Variants in MSRB3 observed in about 807,000 individuals in gnomAD.
The protein encoded by MSRB3 is methionine sulfoxide reductase B3, also known as methionine-R-sulfoxide reductase B3.
A neutral mutation model predicts 21.0 loss-of-function variants in MSRB3; 13 were observed. That is an observed-to-expected ratio of 0.62 (90% CI 0.40 to 0.98). MSRB3 has a LOEUF of 0.98. Among genes scored for constraint, MSRB3 ranks in the 50% least tolerant of loss-of-function variants. MSRB3 has a pLI of 0.00. For synonymous variants in MSRB3, 87 were observed against 88.6 expected (o/e 0.98, Z 0.10); for missense variants, 199 against 230.3 (o/e 0.86, Z 0.88).
chr12:65,376,006 G>C lies in MSRB3; in HGVS notation c.292+6980G>C, dbSNP rs188085027. ...AAACTACATTCTCTGCAATGTAAAG[G>C]CTTCAGTGGACATTTATTAGACAAC... On this transcript the variant is annotated intron_variant, in intron 5 of 6. Coordinates refer to ENST00000308259, the MANE Select transcript of MSRB3 (RefSeq NM_001031679.3). Among the ~76,000 whole-genome samples, 1,016 of 151,668 alleles carry C rather than the reference G, an allele frequency of 6.7e-3. 11 individuals carry two copies. The highest frequency in any genetic ancestry group is 9.0e-3 in the Non-Finnish European group (614 of 67,906).
At chr12:65,430,399 CTGTT>C (rs1431134591) in intron 5 of MSRB3, among the ~76,000 whole-genome samples, 2 of 152,172 alleles carry the variant, frequency 1.3e-5, no homozygotes, top group Non-Finnish European at 2.9e-5. Flanking sequence ...ACATTATACT[CTGTT>C]TGTCCCTGGG....
chr12:65,333,508 A>C (rs568810662), intron 4 of MSRB3, among the ~76,000 whole-genome samples: 1 of 152,308 alleles, frequency 6.6e-6, no homozygotes, highest in African/African-American at 2.4e-5. Flanking sequence ...AGGATATGGA[A>C]CACTAGTCCA....
intron 5 of MSRB3, among the ~76,000 whole-genome samples, chr12:65,452,467 G>A (rs1882899055): frequency 6.6e-6 from 1 of 152,026 alleles, no homozygotes; most frequent in African/African-American, 2.4e-5. Context: ...TTAGAAAATG[G>A]GAAGAAATTC....
chr12:65,353,636 GT>G (rs1248231976), intron 4 of MSRB3, among the ~76,000 whole-genome samples: 1 of 152,038 alleles, frequency 6.6e-6, no homozygotes, highest in Non-Finnish European at 1.5e-5. Flanking sequence ...TGTGAGATGG[GT>G]TTCCTGAATA....
chr12:65,312,107 T>C (rs1874024271), intron 2 of MSRB3, among the ~76,000 whole-genome samples: 1 of 152,086 alleles, frequency 6.6e-6, no homozygotes, highest in East Asian at 1.9e-4. Context: ...TTAACTTGCG[T>C]GACCTTGAAC....
chr12:65,432,408 G>A (rs1377175599), intron 5 of MSRB3, among the ~76,000 whole-genome samples: 1 of 151,924 alleles, frequency 6.6e-6, no homozygotes, highest in Non-Finnish European at 1.5e-5. Flanking sequence ...TTTAAAAGGG[G>A]GGAAAAGCTT....
intron 2 of MSRB3, among the ~76,000 whole-genome samples, chr12:65,324,087 T>C (rs770659011): frequency 2.6e-5 from 4 of 152,198 alleles, no homozygotes; most frequent in African/African-American, 4.8e-5. Context: ...TAATCACTAG[T>C]ATTTCTTAAA....
chr12:65,366,963 G>GGGACAGGAGGA (rs1369075728), intron 4 of MSRB3, among the ~76,000 whole-genome samples: 1 of 152,080 alleles, frequency 6.6e-6, no homozygotes. Flanking sequence ...CAATACTTAA[G>GGGACAGGAGGA]GGACAGGAGG....
At chr12:65,449,595 G>C (rs1015196630) in intron 5 of MSRB3, among the ~76,000 whole-genome samples, 1 of 152,150 alleles carries the variant, frequency 6.6e-6, no homozygotes, top group Non-Finnish European at 1.5e-5. Flanking sequence ...CCCAAACCCA[G>C]TGGGATTCAT....
intron 4 of MSRB3, among the ~76,000 whole-genome samples, chr12:65,353,434 G>A (rs1877166060): frequency 6.6e-6 from 1 of 152,124 alleles, no homozygotes; most frequent in African/African-American, 2.4e-5. Context: ...ATATATTTAG[G>A]ATAGTTAGCT....
At chr12:65,316,052 C>G (rs188169031) in intron 2 of MSRB3, 2 of 152,216 alleles carry the variant, frequency 1.3e-5, no homozygotes, top group East Asian at 3.9e-4. Flanking sequence ...CAGCAAATTT[C>G]AGAGCTTCTC....
At chr12:65,351,690 T>C (rs1482224463) in intron 4 of MSRB3, among the ~76,000 whole-genome samples, 3 of 149,494 alleles carry the variant, frequency 2.0e-5, no homozygotes, top group Non-Finnish European at 2.9e-5. Flanking sequence ...AACACCTCTA[T>C]GCAAATAAAC....
Position 65,409,756 on chromosome 12 carries a change from T to C in MSRB3, c.292+40730T>C, listed in dbSNP as rs541183980. On this transcript the variant is annotated intron_variant, in intron 5 of 6. Transcript: ENST00000308259. ...TATTATCAAGAGTTATCTAGATTTA[T>C]TATAAAAATAACTTTTATGAGTTTT... 5.9e-5 allele frequency among the ~76,000 whole-genome samples: 9 copies of C among 152,322 alleles called. No homozygotes were observed. In the East Asian group the frequency reaches 1.7e-3, roughly 29 times the overall value.
intron 4 of MSRB3, among the ~76,000 whole-genome samples, chr12:65,356,056 T>C (rs1877362696): frequency 6.6e-6 from 1 of 151,942 alleles, no homozygotes; most frequent in Non-Finnish European, 1.5e-5. Flanking sequence ...TTTCATGCTT[T>C]CCAGATTTGA....
At chr12:65,299,908 C>T (rs1262882204) in intron 1 of MSRB3, among the ~76,000 whole-genome samples, 1 of 152,156 alleles carries the variant, frequency 6.6e-6, no homozygotes, top group Non-Finnish European at 1.5e-5. Context: ...ATTGTTATGA[C>T]TATGTGCACA....
intron 4 of MSRB3, among the ~76,000 whole-genome samples, chr12:65,349,084 G>A (rs557915707): frequency 3.3e-5 from 5 of 151,786 alleles, no homozygotes; most frequent in Non-Finnish European, 5.9e-5. Flanking sequence ...ACAGTCCCCA[G>A]AGTGTGATAT....
chr12:65,437,317 C>G, intron 5 of MSRB3, among the ~76,000 whole-genome samples: 1 of 151,766 alleles, frequency 6.6e-6, no homozygotes, highest in Non-Finnish European at 1.5e-5. Flanking sequence ...TTCTTGCTCC[C>G]GGAGACTAAG....
intron 5 of MSRB3, among the ~76,000 whole-genome samples, chr12:65,451,871 T>G (rs571440147): frequency 1.3e-5 from 2 of 152,328 alleles, no homozygotes; most frequent in African/African-American, 4.8e-5. Context: ...AACATTTGAG[T>G]TGTGCCTTTG....
intron 5 of MSRB3, among the ~76,000 whole-genome samples, chr12:65,387,890 G>T (rs1314172956): frequency 6.6e-6 from 1 of 151,968 alleles, no homozygotes; most frequent in Non-Finnish European, 1.5e-5. Flanking sequence ...GTGTATGTCA[G>T]TCTTTTCTTT....
Sources: gnomAD v4.1 joint callset for allele counts (sites outside exome capture counted in the v4.1 genomes callset) on GRCh38, gnomAD v4.1.1 for gene constraint, MANE v1.5 for transcripts, NCBI Gene and HGNC (gene_info 2026-07-23, HGNC 2026-07-21) for gene names.